The following LMAN1L variants were observed in gnomAD, a reference collection of about 807,000 sequenced individuals.
The protein encoded by LMAN1L is lectin, mannose binding 1 like, also known as protein ERGIC-53-like.
LMAN1L carries 60 observed loss-of-function variants against 58.3 expected under a neutral mutation model. The ratio of observed to expected loss-of-function variants is 1.03; its 90% CI spans 0.84 to 1.27. The LOEUF (loss-of-function observed/expected upper bound fraction) is 1.27. Among genes scored for constraint, LMAN1L ranks in the 50% most tolerant of loss-of-function variants. The probability of loss-of-function intolerance (pLI) is 0.00; values close to 1 mark genes in which losing one functional copy is unlikely to be tolerated. For synonymous variants in LMAN1L, 280 were observed against 271.6 expected (o/e 1.03, Z -0.31); for missense variants, 629 against 674.0 (o/e 0.93, Z 0.74).
At chr15:74,824,618 G>A (rs543293878) in intron 13 of LMAN1L, 140 bp downstream of exon 13, 1 of 982,732 alleles carries the variant, frequency 1.0e-6, no homozygotes, top group Non-Finnish European at 1.5e-6. Context: ...CACAGTGCGG[G>A]ATAGGGCCCA....
chr15:74,819,359 C>T (rs934961751), intron 6 of LMAN1L, 87 bp downstream of exon 6: 4 of 1,499,046 alleles, frequency 2.7e-6, no homozygotes, highest in African/African-American at 2.8e-5. Flanking sequence ...ACTGGGGTGG[C>T]GTCAGCCACT....
intron 10 of LMAN1L, 121 bp from the exon 11 acceptor site, chr15:74,822,521 G>T (rs867718913): frequency 4.2e-6 from 3 of 717,162 alleles, no homozygotes; most frequent in African/African-American, 3.5e-5. Context: ...TCCAAATAAG[G>T]AGGCCCTGGT....
rs2063891223 is a variant in LMAN1L at position 74,816,478 on chromosome 15, C to G, written c.382C>G (p.Leu128Val). Reference protein sequence around the residue: ...RGHVGSVLGGLASWDGIGIFF... With the variant: ...RGHVGSVLGGVASWDGIGIFF... ...CCATGTAGGCTCTGTCCTTGGGGGG[C>G]TGGCTTCGTGGGACGGCATCGGGAT... is the stretch of plus-strand genomic sequence containing the variant. The change falls in exon 3 of 14, where the codon CTG (leucine) becomes GTG (valine). Residue 128 changes from leucine to valine, a missense_variant. Transcript: ENST00000309664. 7.1e-6 allele frequency: 11 copies of G among 1,550,524 alleles called. No homozygotes were observed. The highest frequency in any genetic ancestry group is 8.7e-6 in the Non-Finnish European group (10 of 1,144,570).
rs2063912320 is a variant in LMAN1L at position 74,820,652 on chromosome 15, C to T, written c.792C>T (p.Phe264=). 5.6e-6 allele frequency: 9 copies of T among 1,613,906 alleles called. No homozygotes were observed. Among genetic ancestry groups the T allele is most frequent in the Admixed American group, 1.7e-5 (1 of 60,008 alleles). The change falls in exon 8 of 14, where the codon TTC becomes TTT. Residue 264 remains phenylalanine (F), a synonymous_variant. Coordinates refer to ENST00000309664, the MANE Select transcript of LMAN1L (RefSeq NM_021819.3). ...EPSPEVPPQP[F]LEMQQLRLAR... ...TCCCCTAGGTTCCCCCTCAGCCCTT[C>T]CTGGAGATGCAGCAGCTCCGCCTGG...
Position 74,823,597 on chromosome 15 carries a change from C to T in LMAN1L, c.1238C>T (p.Ser413Phe). 1 of 1,613,988 alleles carries T rather than the reference C, an allele frequency of 6.2e-7. No homozygotes were observed. Among genetic ancestry groups the T allele is most frequent in the Non-Finnish European group, 8.5e-7 (1 of 1,179,916 alleles). ...AVRMAAEAQVSYLPVGIEHHF... is the reference protein window; with the variant it reads ...AVRMAAEAQVFYLPVGIEHHF... Reference sequence around the variant, plus strand: ...CGCATGGCTGCAGAAGCCCAGGTCTCCTACCTGCCTGTGGGCATTGAGCAT... The same window carrying T: ...CGCATGGCTGCAGAAGCCCAGGTCTTCTACCTGCCTGTGGGCATTGAGCAT... Residue 413 changes from serine to phenylalanine, a missense_variant, in exon 12 of 14, where the codon TCC (serine) becomes TTC (phenylalanine). This residue lies in a region of LMAN1L where 573 missense variants were observed against 597.3 expected (regional missense o/e 0.96). Coordinates refer to ENST00000309664, the MANE Select transcript of LMAN1L (RefSeq NM_021819.3).
Position 74,816,421 on chromosome 15 carries a change from C to T in LMAN1L, c.331-6C>T, listed in dbSNP as rs754118185. On this transcript the variant is annotated splice_polypyrimidine_tract_variant and splice_region_variant and intron_variant, in intron 2 of 13. Transcript: ENST00000309664. ...TTCCCTGAGCTGAGGGGCTGGGGAC[C>T]TGCAGGCCGTGTGGTACACCCGGGG... 6.7e-5 allele frequency: 105 copies of T among 1,563,872 alleles called. 2 individuals are homozygous for T. In the South Asian group the frequency reaches 1.1e-3, roughly 17 times the overall value.
At chr15:74,816,883 G>A (rs920906833) in intron 4 of LMAN1L, among the ~76,000 whole-genome samples, 193 bp downstream of exon 4, 37 of 152,156 alleles carry the variant, frequency 2.4e-4, no homozygotes, top group African/African-American at 9.7e-5. Flanking sequence ...AGCAGCCCCA[G>A]GTGAAATGAC....
Position 74,819,281 on chromosome 15 carries a change from C to T in LMAN1L, c.718+9C>T. On this transcript the variant is annotated intron_variant, in intron 6 of 13. Coordinates refer to ENST00000309664, the MANE Select transcript of LMAN1L (RefSeq NM_021819.3). Reference sequence around the variant, plus strand: ...CACCGGCACCCTGGCAGGTGAGGATCCCACTGGACAGGTAAGAGCAGAAGG... The same window carrying T: ...CACCGGCACCCTGGCAGGTGAGGATTCCACTGGACAGGTAAGAGCAGAAGG... 6.2e-7 allele frequency: 1 copy of T among 1,613,846 alleles called. No homozygotes were observed. The highest frequency in any genetic ancestry group is 1.3e-5 in the African/African-American group (1 of 75,054).
intron 6 of LMAN1L, 87 bp downstream of exon 6, chr15:74,819,359 C>A: frequency 6.7e-7 from 1 of 1,499,162 alleles, no homozygotes; most frequent in South Asian, 1.3e-5. Flanking sequence ...ACTGGGGTGG[C>A]GTCAGCCACT....
intron 1 of LMAN1L, among the ~76,000 whole-genome samples, chr15:74,815,722 C>T (rs1038527684): frequency 2.0e-5 from 3 of 152,210 alleles, no homozygotes; most frequent in Non-Finnish European, 4.4e-5. Flanking sequence ...TCAGGCACTT[C>T]CTTTTTTGTC....
At chr15:74,817,311 T>C (rs1020211331) in intron 4 of LMAN1L, among the ~76,000 whole-genome samples, 2 of 152,104 alleles carry the variant, frequency 1.3e-5, no homozygotes, top group African/African-American at 4.8e-5. Flanking sequence ...AACATTGTTA[T>C]GAGGTCGTTC....
In LMAN1L at chr15:74,816,470, T is replaced by C; in HGVS notation, c.374T>C (p.Leu125Pro). ...GGCAGGGGCCATGTAGGCTCTGTCC[T>C]TGGGGGGCTGGCTTCGTGGGACGGC... ...TRGRGHVGSV[L>P]GGLASWDGIG... Residue 125 changes from leucine (L) to proline (P), a missense_variant, in exon 3 of 14, where the codon CTT (leucine) becomes CCT (proline). Physicochemically the swap from Leu to Pro is moderately conservative, Grantham distance 98. Around this residue, in one of 3 missense-constraint regions of LMAN1L, gnomAD observed 573 missense variants for 597.3 expected, o/e 0.96. Coordinates refer to ENST00000309664, the MANE Select transcript of LMAN1L (RefSeq NM_021819.3). 6.4e-7 allele frequency: 1 copy of C among 1,552,738 alleles called. No homozygotes were observed. The highest frequency in any genetic ancestry group is 8.7e-7 in the Non-Finnish European group (1 of 1,145,784).
rs1054146436 is a variant in LMAN1L, at chr15:74,822,672, G to A, written c.1162G>A (p.Gly388Arg). The A allele has an allele frequency of 9.9e-6, 16 of 1,613,946 alleles. No individual in the cohort carries two copies. The highest frequency in any genetic ancestry group is 9.9e-5 in the South Asian group (9 of 91,088). Reference protein sequence around the residue: ...DSAKVGALLHGQWTLLQALQE... With the variant: ...DSAKVGALLHRQWTLLQALQE... The stretch of plus-strand genomic sequence containing the variant: ...TGCCAAGGTCGGTGCCCTGCTCCAT[G>A]GACAGTGGACTCTGCTCCAGGCCCT... The change falls in exon 11 of 14, where the codon GGA (glycine) becomes AGA (arginine). Residue 388 changes from glycine to arginine, a missense_variant. Around this residue, in one of 3 missense-constraint regions of LMAN1L, gnomAD observed 573 missense variants for 597.3 expected, o/e 0.96. Coordinates refer to ENST00000309664, the MANE Select transcript of LMAN1L (RefSeq NM_021819.3).
intron 1 of LMAN1L, among the ~76,000 whole-genome samples, chr15:74,815,633 C>A (rs561702185): frequency 6.6e-6 from 1 of 152,320 alleles, no homozygotes; most frequent in African/African-American, 2.4e-5. Flanking sequence ...GAAGCTCTGG[C>A]CTCATTTGGC....
chr15:74,816,445 G>A lies in LMAN1L; in HGVS notation c.349G>A (p.Gly117Ser). The change falls in exon 3 of 14, where the codon GGC becomes AGC. Residue 117 changes from glycine to serine, a missense_variant. Transcript: ENST00000309664. ...AQGMAVWYTR[G>S]RGHVGSVLGG... ...CCTGCAGGCCGTGTGGTACACCCGGGGCAGGGGCCATGTAGGCTCTGTCCT... is the reference window on the plus strand; with the variant it reads ...CCTGCAGGCCGTGTGGTACACCCGGAGCAGGGGCCATGTAGGCTCTGTCCT... 1.3e-6 allele frequency: 2 copies of A among 1,556,178 alleles called. No homozygotes were observed. Among genetic ancestry groups the A allele is most frequent in the Non-Finnish European group, 1.7e-6 (2 of 1,147,562 alleles).
intron 3 of LMAN1L, 34 bp downstream of exon 3, chr15:74,816,568 G>A: frequency 1.9e-6 from 3 of 1,583,426 alleles, no homozygotes; most frequent in Middle Eastern, 1.7e-4. Context: ...CAGCCCGCCT[G>A]CCCGCTCACA....
chr15:74,819,400 T>C (rs771707562), intron 6 of LMAN1L, 128 bp downstream of exon 6: 277 of 1,242,854 alleles, frequency 2.2e-4, no homozygotes, highest in Non-Finnish European at 3.0e-4. Flanking sequence ...CTGTGACCCT[T>C]GGGAGAAGTC....
chr15:74,820,959 G>T, intron 8 of LMAN1L, 116 bp from the exon 9 acceptor site: 1 of 1,359,206 alleles, frequency 7.4e-7, no homozygotes, highest in Non-Finnish European at 9.9e-7. Context: ...AGAGGGTCTT[G>T]GAGGCAGCAG....
Position 74,816,647 on chromosome 15 carries a change from C to G in LMAN1L, c.454C>G (p.Arg152Gly), listed in dbSNP as rs568109724. The change falls in exon 4 of 14, where the codon CGT becomes GGT. Residue 152 changes from arginine (R) to glycine (G), a missense_variant. By Grantham distance (125) the Arg-to-Gly change is moderately radical. Around this residue, in one of 3 missense-constraint regions of LMAN1L, gnomAD observed 573 missense variants for 597.3 expected, o/e 0.96. Transcript: ENST00000309664. ...CTCCCTGCAGGACAGTCCTGCCATC[C>G]GTGTGCTGGCCAGCGACGGGCACAT... ...AEDTQDSPAI[R>G]VLASDGHIPS... is the part of the protein sequence containing the mutation. 3 of 1,613,858 alleles carry G rather than the reference C, an allele frequency of 1.9e-6. No homozygotes were observed. Among genetic ancestry groups the G allele is most frequent in the Non-Finnish European group, 2.5e-6 (3 of 1,179,870 alleles).
Sources: gnomAD v4.1 joint callset for allele counts (sites outside exome capture counted in the v4.1 genomes callset) on GRCh38, gnomAD v4.1.1 for gene constraint, gnomAD v4.1.1 regional missense constraint, MANE v1.5 for transcripts, NCBI Gene and HGNC (gene_info 2026-07-23, HGNC 2026-07-21) for gene names.